The following NLRP11 variants were observed in gnomAD, a reference collection of about 807,000 sequenced individuals.
NLRP11 encodes NACHT, LRR and PYD domains-containing protein 11.
NLRP11 carries 53 observed loss-of-function variants against 79.3 expected under a neutral mutation model. That is an observed-to-expected ratio of 0.67 (90% confidence interval 0.54 to 0.84). The LOEUF is 0.84. Among genes scored for constraint, NLRP11 ranks in the 40% least tolerant of loss-of-function variants. The probability of loss-of-function intolerance (pLI) is 0.00; values close to 1 mark genes in which losing one functional copy is unlikely to be tolerated. For synonymous variants in NLRP11, 518 were observed against 462.6 expected, an observed-to-expected ratio of 1.12 and a Z score of -1.54; for missense variants, 1,264 against 1,255.0, an observed-to-expected ratio of 1.01 and a Z score of -0.11.
chr19:55,815,528 C>CAAAAAAA (rs11343133), intron 2 of NLRP11, among the ~76,000 whole-genome samples: 13 of 92,824 alleles, frequency 1.4e-4, no homozygotes, highest in African/African-American at 3.9e-4. Context: ...GACTCCATCT[C>CAAAAAAA]AAAAAAAAAA....
At chr19:55,829,679 A>AT (rs1568646771) in intron 1 of NLRP11, among the ~76,000 whole-genome samples, 1 of 149,656 alleles carries the variant, frequency 6.7e-6, no homozygotes, top group African/African-American at 2.5e-5. Context: ...AAAAAAAAAA[A>AT]AAAAAATCGT....
intron 2 of NLRP11, among the ~76,000 whole-genome samples, chr19:55,814,386 T>C (rs1439008334): frequency 6.6e-6 from 1 of 152,142 alleles, no homozygotes; most frequent in Non-Finnish European, 1.5e-5. Context: ...TGTAATACAT[T>C]TGAATTATCC....
intron 9 of NLRP11, among the ~76,000 whole-genome samples, 184 bp from the exon 10 acceptor site, chr19:55,786,055 A>G (rs1989861800): frequency 6.6e-6 from 1 of 152,234 alleles, no homozygotes; most frequent in South Asian, 2.1e-4. Flanking sequence ...TCCATTAAAT[A>G]TTAGAATGTA....
At chr19:55,795,678 CAG>C (rs1978765643) in intron 6 of NLRP11, among the ~76,000 whole-genome samples, 1 of 151,990 alleles carries the variant, frequency 6.6e-6, no homozygotes, top group African/African-American at 2.4e-5. Flanking sequence ...TTAGTAGAGA[CAG>C]GGTTTCACTG....
Position 55,796,187 on chromosome 19 carries a change from G to A in NLRP11, c.2235C>T (p.Gly745=), listed in dbSNP as rs114591455. Residue 745 remains glycine (G), a synonymous_variant, in exon 6 of 10, where the codon GGC becomes GGT. Coordinates refer to ENST00000589093, the Ensembl canonical transcript of NLRP11. ...ATAAGGTCAGTTTTCTCAGACTCCC[G>A]CCACTGATGAGGAGAGAGGCGATTT... The A allele has an allele frequency of 0.017, 27,165 of 1,613,686 alleles. 813 individuals are homozygous for A. Among genetic ancestry groups the A allele is most frequent in the East Asian group, 0.11 (4,994 of 44,866 alleles).
chr19:55,789,053 A>T, intron 8 of NLRP11, 76 bp from the exon 9 acceptor site: 3 of 1,526,794 alleles, frequency 2.0e-6, no homozygotes, highest in Middle Eastern at 1.7e-4. Flanking sequence ...TGAGAACTGG[A>T]CATCTACTAG....
intron 2 of NLRP11, among the ~76,000 whole-genome samples, chr19:55,810,955 G>T (rs532924780): frequency 1.3e-5 from 2 of 152,160 alleles, no homozygotes; most frequent in East Asian, 3.9e-4. Flanking sequence ...GTTCCTTAGC[G>T]TTTTAGGTAG....
chr19:55,830,191 A>AAGGT (rs1982613369), intron 1 of NLRP11, among the ~76,000 whole-genome samples: 1 of 152,126 alleles, frequency 6.6e-6, no homozygotes. Context: ...AAGTGAACAC[A>AAGGT]AGTAGATTAG....
intron 7 of NLRP11, among the ~76,000 whole-genome samples, chr19:55,792,093 AT>A (rs1216276091): frequency 6.6e-6 from 1 of 152,066 alleles, no homozygotes; most frequent in African/African-American, 2.4e-5. Flanking sequence ...GATCTGAGGG[AT>A]TTTGTGAACT....
At chr19:55,811,280 CATAAGT>C (rs1980576552) in intron 2 of NLRP11, among the ~76,000 whole-genome samples, 1 of 152,134 alleles carries the variant, frequency 6.6e-6, no homozygotes, top group African/African-American at 2.4e-5. Flanking sequence ...AATGTTAAGA[CATAAGT>C]ATAAAGCTGT....
intron 4 of NLRP11, among the ~76,000 whole-genome samples, chr19:55,803,933 A>T (rs1363712898): frequency 6.6e-6 from 1 of 152,172 alleles, no homozygotes; most frequent in Non-Finnish European, 1.5e-5. Context: ...AATACAAAAA[A>T]TTAGCCAGCT....
chr19:55,789,146 G>A (rs1014462158), intron 8 of NLRP11, 83 bp downstream of exon 8: 6 of 1,449,214 alleles, frequency 4.1e-6, no homozygotes, highest in Non-Finnish European at 5.7e-6. Flanking sequence ...CCGAGGTATT[G>A]TATTTCCCAA....
intron 3 of NLRP11, 121 bp from the exon 4 acceptor site, chr19:55,808,135 C>T: frequency 3.3e-6 from 2 of 612,302 alleles, no homozygotes; most frequent in Non-Finnish European, 5.6e-6. Flanking sequence ...TAATACCATG[C>T]AGCAAGAAAT....
chr19:55,827,141 C>T (rs1454499661), intron 1 of NLRP11, among the ~76,000 whole-genome samples: 3 of 137,098 alleles, frequency 2.2e-5, no homozygotes, highest in Non-Finnish European at 4.5e-5. Flanking sequence ...ATTTGACAAA[C>T]CTGAGAAAAA....
upstream of NLRP11, among the ~76,000 whole-genome samples, chr19:55,833,901 G>T (rs1435386345): frequency 6.6e-6 from 1 of 151,246 alleles, no homozygotes; most frequent in South Asian, 2.1e-4. Flanking sequence ...GGGCAGTGGC[G>T]TAGGTGAACT....
intron 2 of NLRP11, among the ~76,000 whole-genome samples, chr19:55,812,745 C>G (rs186437709): frequency 1.2e-4 from 18 of 152,160 alleles, no homozygotes; most frequent in Middle Eastern, 3.4e-3. Context: ...TCTTGAGAAT[C>G]CTTTGTGGTC....
chr19:55,791,636 T>C (rs1990238556), intron 7 of NLRP11, among the ~76,000 whole-genome samples: 1 of 152,158 alleles, frequency 6.6e-6, no homozygotes, highest in Non-Finnish European at 1.5e-5. Flanking sequence ...TCAAGAGAGT[T>C]CAAATTAAAC....
At chr19:55,803,777 G>C (rs1465584012) in intron 4 of NLRP11, among the ~76,000 whole-genome samples, 2 of 151,990 alleles carry the variant, frequency 1.3e-5, no homozygotes, top group South Asian at 2.1e-4. Flanking sequence ...GAATGGCTAC[G>C]ATTTAAGAAT....
intron 4 of NLRP11, among the ~76,000 whole-genome samples, chr19:55,807,464 C>T (rs778402935): frequency 1.3e-5 from 2 of 152,114 alleles, no homozygotes; most frequent in African/African-American, 4.8e-5. Context: ...CAAGAGACTA[C>T]TTTCCCAGTC....
Sources: allele counts gnomAD v4.1 joint callset (sites outside exome capture counted in the v4.1 genomes callset), GRCh38; gene constraint gnomAD v4.1.1; transcripts MANE v1.5; gene names NCBI Gene and HGNC (gene_info 2026-07-23, HGNC 2026-07-21).